Variants in IL1RAPL2 observed in about 807,000 individuals in gnomAD.
The protein encoded by IL1RAPL2 is X-linked interleukin-1 receptor accessory protein-like 2.
A neutral mutation model predicts 44.1 loss-of-function variants in IL1RAPL2; 3 were observed. The ratio of observed to expected loss-of-function variants is 0.07; its 90% confidence interval spans 0.03 to 0.18. The LOEUF is 0.18. Ranked by LOEUF, IL1RAPL2 falls within the 10% of genes least tolerant of loss-of-function variation. IL1RAPL2 has a pLI of 1.00. For synonymous variants in IL1RAPL2, 181 were observed against 178.8 expected (o/e 1.01, Z -0.10); for missense variants, 391 against 496.4 (o/e 0.79, Z 2.02).
At chrX:104,582,868 C>CTTTCTTTA (rs764062390) in intron 1 of IL1RAPL2, among the ~76,000 whole-genome samples, 12 of 61,709 alleles carry the variant, frequency 1.9e-4, no homozygotes, top group Non-Finnish European at 3.6e-4. Flanking sequence ...TTCTTTCTTT[C>CTTTCTTTA]TTTTTCTTTT....
chrX:105,554,377 A>G (rs1291675755), intron 6 of IL1RAPL2, among the ~76,000 whole-genome samples: 2 of 112,339 alleles, frequency 1.8e-5, no homozygotes, highest in African/African-American at 6.5e-5. Flanking sequence ...AATTTTGCTT[A>G]TAATTTTGAT....
chrX:105,320,732 A>G (rs774632810), intron 5 of IL1RAPL2, among the ~76,000 whole-genome samples: 1 of 111,611 alleles, frequency 9.0e-6, no homozygotes, highest in Non-Finnish European at 1.9e-5. Context: ...TGTCTTATGC[A>G]TGTGTGTATG....
chrX:105,099,688 G>A (rs1434961823), intron 2 of IL1RAPL2, among the ~76,000 whole-genome samples: 2 of 107,871 alleles, frequency 1.9e-5, no homozygotes, highest in African/African-American at 6.8e-5. Flanking sequence ...GGATGGTCTC[G>A]ATCTCCTGAC....
intron 6 of IL1RAPL2, among the ~76,000 whole-genome samples, chrX:105,524,263 C>A (rs1433061712): frequency 9.0e-6 from 1 of 111,075 alleles, no homozygotes; most frequent in Admixed American, 9.6e-5. Flanking sequence ...CATTTCCCAC[C>A]ATTTGACTTC....
intron 2 of IL1RAPL2, among the ~76,000 whole-genome samples, chrX:104,830,885 C>G (rs771191034): frequency 8.9e-6 from 1 of 112,108 alleles, no homozygotes; most frequent in Non-Finnish European, 1.9e-5. Context: ...CCTATAGTAA[C>G]TTAAGTTACA....
chrX:105,697,088 A>G (rs1341558612), intron 6 of IL1RAPL2, among the ~76,000 whole-genome samples: 2 of 109,696 alleles, frequency 1.8e-5, no homozygotes, highest in Admixed American at 9.8e-5. Context: ...CAGGCTCTTT[A>G]AATAGCCAGT....
At chrX:104,967,968 C>T (rs2030159373) in intron 2 of IL1RAPL2, among the ~76,000 whole-genome samples, 1 of 111,203 alleles carries the variant, frequency 9.0e-6, no homozygotes, top group African/African-American at 3.2e-5. Flanking sequence ...TTCAACTAAA[C>T]ATTCAAGGAA....
At chrX:104,638,940 A>G (rs1171433603) in intron 1 of IL1RAPL2, among the ~76,000 whole-genome samples, 4 of 112,180 alleles carry the variant, frequency 3.6e-5, no homozygotes, top group Admixed American at 9.4e-5. Flanking sequence ...GTTAGGTCTA[A>G]TGCTGAGAAT....
chrX:105,178,613 C>T (rs992749003), intron 2 of IL1RAPL2, among the ~76,000 whole-genome samples: 5 of 111,710 alleles, frequency 4.5e-5, no homozygotes, highest in East Asian at 2.8e-4. Flanking sequence ...TTCCTACCAA[C>T]GGTGTATAAG....
chrX:104,957,557 T>A (rs1187213600), intron 2 of IL1RAPL2, among the ~76,000 whole-genome samples: 1 of 112,048 alleles, frequency 8.9e-6, no homozygotes, highest in Admixed American at 9.5e-5. Flanking sequence ...CATGGAAACA[T>A]CCCACTTGCT....
At chrX:105,733,134 A>G (rs1427239168) in intron 7 of IL1RAPL2, among the ~76,000 whole-genome samples, 3 of 111,533 alleles carry the variant, frequency 2.7e-5, no homozygotes, top group African/African-American at 6.5e-5. Context: ...ATTTAACTGA[A>G]TATCACATTC....
intron 2 of IL1RAPL2, among the ~76,000 whole-genome samples, chrX:104,913,659 G>A (rs1231672071): frequency 1.8e-5 from 2 of 112,172 alleles, no homozygotes; most frequent in Non-Finnish European, 3.8e-5. Flanking sequence ...TCTATTTGAT[G>A]AGGCAGTTCA....
intron 2 of IL1RAPL2, among the ~76,000 whole-genome samples, chrX:105,032,454 A>T (rs1179725455): frequency 9.0e-6 from 1 of 110,525 alleles, no homozygotes; most frequent in Admixed American, 9.7e-5. Context: ...TTCAAAGAAC[A>T]TCTTTATTTC....
intron 2 of IL1RAPL2, among the ~76,000 whole-genome samples, chrX:104,696,600 GA>G (rs369766644): frequency 3.6e-5 from 4 of 112,360 alleles, no homozygotes; most frequent in African/African-American, 1.3e-4. Context: ...GGGAAAGTAT[GA>G]AATTTGGCAG....
chrX:105,608,892 C>T (rs1275496843), intron 6 of IL1RAPL2, among the ~76,000 whole-genome samples: 1 of 111,657 alleles, frequency 9.0e-6, no homozygotes, highest in African/African-American at 3.3e-5. Flanking sequence ...AACTGCCATG[C>T]CTGCTATTCT....
chrX:105,676,224 C>T (rs973276211), intron 6 of IL1RAPL2: 2 of 111,883 alleles, frequency 1.8e-5, no homozygotes, highest in Admixed American at 1.9e-4. Context: ...ATTGTGTCCA[C>T]CTGGGTACCT....
intron 6 of IL1RAPL2, among the ~76,000 whole-genome samples, chrX:105,507,761 G>A (rs2036441102): frequency 9.0e-6 from 1 of 111,598 alleles, no homozygotes; most frequent in South Asian, 3.7e-4. Flanking sequence ...TTATTTTGAT[G>A]TTAATATTGA....
intron 5 of IL1RAPL2, among the ~76,000 whole-genome samples, chrX:105,483,229 A>G (rs2036244223): frequency 9.1e-6 from 1 of 110,183 alleles, no homozygotes; most frequent in Admixed American, 9.8e-5. Context: ...TTCAAGATCT[A>G]CAATGACACT....
In IL1RAPL2 at chrX:105,044,450, G is replaced by C. The variant is rs1056967543; in HGVS notation, c.83-151025G>C. ...CTGAGTAGGAAATGACATCAGACAG[G>C]GGGTGGTAACAAAAATTTGGAAGCT... On this transcript the variant is annotated intron_variant, in intron 2 of 10. Transcript: ENST00000372582. 9.1e-5 allele frequency among the ~76,000 whole-genome samples: 10 copies of C among 110,492 alleles called. No homozygotes were observed. In the South Asian group the frequency reaches 1.6e-3, roughly 17 times the overall value.
Sources: gnomAD v4.1 joint callset for allele counts (sites outside exome capture counted in the v4.1 genomes callset) on GRCh38, gnomAD v4.1.1 for gene constraint, MANE v1.5 for transcripts, NCBI Gene and HGNC (gene_info 2026-07-23, HGNC 2026-07-21) for gene names.